BPTF: variants seen among roughly 807,000 people sequenced by gnomAD.
BPTF encodes bromodomain PHD finger transcription factor, also known as nucleosome-remodeling factor subunit BPTF.
BPTF carries 18 observed loss-of-function variants against 292.5 expected under a neutral mutation model. That is an observed-to-expected ratio of 0.06 (90% CI 0.04 to 0.09). The LOEUF (loss-of-function observed/expected upper bound fraction) is 0.09, where lower values mean the gene tolerates loss of function less well. BPTF is among the 10% of genes least tolerant of loss of function. The probability of loss-of-function intolerance (pLI) is 1.00; values close to 1 mark genes in which losing one functional copy is unlikely to be tolerated. For synonymous variants in BPTF, 1,225 were observed against 1,251.9 expected (o/e 0.98, Z 0.45); for missense variants, 2,726 against 3,498.7 (o/e 0.78, Z 5.57).
At chr17:67,877,679 C>A (rs1055333041) in intron 4 of BPTF, among the ~76,000 whole-genome samples, 1 of 152,030 alleles carries the variant, frequency 6.6e-6, no homozygotes, top group Admixed American at 6.5e-5. Flanking sequence ...AGTACAGTGA[C>A]GTGATCATGG....
chr17:67,950,073 C>A (rs113772550), intron 23 of BPTF, among the ~76,000 whole-genome samples: 1,394 of 73,284 alleles, frequency 0.019, 6 homozygotes, highest in Middle Eastern at 0.048. Context: ...AAAAAAAAAA[C>A]ATTTCATAAC....
At chr17:67,922,687 T>C (rs1484522084) in intron 13 of BPTF, among the ~76,000 whole-genome samples, 153 bp from the exon 14 acceptor site, 1 of 152,212 alleles carries the variant, frequency 6.6e-6, no homozygotes, top group Non-Finnish European at 1.5e-5. Context: ...CTTTGGCTGC[T>C]TTCATGATAC....
intron 7 of BPTF, 29 bp from the exon 8 acceptor site, chr17:67,903,760 A>G: frequency 6.6e-7 from 1 of 1,505,940 alleles, no homozygotes; most frequent in Non-Finnish European, 8.8e-7. Flanking sequence ...TTCCAAGTTA[A>G]CATTGTCTTT....
chr17:67,945,834 C>G lies in BPTF; in HGVS notation c.7126C>G (p.Pro2376Ala), dbSNP rs145519434. ...TCAGACTACAACCTCACAACCGATTCCAATTCAACCACATACATCTCTTCA... is the reference window on the plus strand; with the variant it reads ...TCAGACTACAACCTCACAACCGATTGCAATTCAACCACATACATCTCTTCA... ...QVQTTTSQPIPIQPHTSLQIP... is the reference protein window; with the variant it reads ...QVQTTTSQPIAIQPHTSLQIP... The change falls in exon 21 of 28, where the codon CCA becomes GCA. Residue 2376 changes from proline to alanine, a missense_variant. Physicochemically the swap from Pro to Ala is conservative, Grantham distance 27. This residue lies in a region of BPTF where 570 missense variants were observed against 633.5 expected (regional missense o/e 0.90). Transcript: ENST00000306378. 6.2e-7 allele frequency: 1 copy of G among 1,614,172 alleles called. No individual in the cohort carries two copies.
rs559516420 is a variant in BPTF, at chr17:67,880,101, TAAC to T, written c.1864+5083_1864+5085del. Among the ~76,000 whole-genome samples the T allele has an allele frequency of 1.4e-3, 215 of 152,352 alleles. 1 individual carries two copies. The highest frequency in any genetic ancestry group is 4.9e-3 in the African/African-American group (205 of 41,582). Reference sequence around the variant, plus strand: ...AAATTTTTACAATTTATTAGCATAATAACATCGTATCTTTTTTATATATATAGG... The same window carrying T: ...AAATTTTTACAATTTATTAGCATAATATCGTATCTTTTTTATATATATAGG... On this transcript the variant is annotated intron_variant, in intron 4 of 27. Transcript: ENST00000306378.
At chr17:67,938,662 A>G (rs2065120680) in intron 18 of BPTF, among the ~76,000 whole-genome samples, 2 of 152,224 alleles carry the variant, frequency 1.3e-5, no homozygotes, top group Admixed American at 1.3e-4. Context: ...ATATACCAGG[A>G]CTAAGAACAT....
intron 25 of BPTF, chr17:67,965,718 C>G (rs1555686908): frequency 6.6e-6 from 1 of 151,390 alleles, no homozygotes; most frequent in South Asian, 2.1e-4. Flanking sequence ...AAAAGAATAA[C>G]AGGATAGGGA....
chr17:67,926,316 C>CTTTTT (rs869295387), intron 15 of BPTF, among the ~76,000 whole-genome samples: 1 of 83,856 alleles, frequency 1.2e-5, no homozygotes, highest in Non-Finnish European at 2.3e-5. Context: ...TAATATACTA[C>CTTTTT]TTTTTTTTTT....
At chr17:67,873,553 T>G (rs1177158564) in intron 3 of BPTF, among the ~76,000 whole-genome samples, 3 of 152,286 alleles carry the variant, frequency 2.0e-5, no homozygotes, top group African/African-American at 7.2e-5. Flanking sequence ...GGAAACAGTT[T>G]AGCAATTCCG....
intron 4 of BPTF, among the ~76,000 whole-genome samples, chr17:67,884,138 C>CTTTTTTTTTTT (rs200471908): frequency 1.5e-5 from 2 of 134,442 alleles, no homozygotes; most frequent in Non-Finnish European, 3.3e-5. Context: ...CATTTTCTTT[C>CTTTTTTTTTTT]TTTTTTTTTT....
At chr17:67,981,904 C>CACACACACACACACACA (rs1568245392) in intron 27 of BPTF, 7 of 181,754 alleles carry the variant, frequency 3.9e-5, no homozygotes, top group East Asian at 1.9e-4. Context: ...CACACACACA[C>CACACACACACACACACA]CTTTCACCAC....
intron 1 of BPTF, among the ~76,000 whole-genome samples, chr17:67,830,738 A>G (rs993688354): frequency 3.9e-5 from 6 of 152,178 alleles, no homozygotes; most frequent in Non-Finnish European, 7.4e-5. Context: ...TGAATAGGAA[A>G]TAAACCAAAG....
At chr17:67,863,324 G>A (rs2059196645) in intron 2 of BPTF, among the ~76,000 whole-genome samples, 1 of 151,996 alleles carries the variant, frequency 6.6e-6, no homozygotes, top group African/African-American at 2.4e-5. Context: ...AGTCTCTGTT[G>A]CCCAGGCTGG....
intron 3 of BPTF, among the ~76,000 whole-genome samples, chr17:67,870,833 G>A (rs2059681005): frequency 6.8e-6 from 1 of 146,218 alleles, no homozygotes; most frequent in Non-Finnish European, 1.5e-5. Flanking sequence ...GCAGTGGCGG[G>A]ATCTCGGCTC....
At chr17:67,924,409 A>T in intron 14 of BPTF, 138 bp from the exon 15 acceptor site, 1 of 923,054 alleles carries the variant, frequency 1.1e-6, no homozygotes, top group Non-Finnish European at 1.6e-6. Context: ...GCCACCTCGC[A>T]CAACCAAATG....
intron 23 of BPTF, among the ~76,000 whole-genome samples, chr17:67,958,019 T>C (rs1220575303): frequency 1.3e-5 from 2 of 152,164 alleles, no homozygotes; most frequent in Non-Finnish European, 2.9e-5. Context: ...TTAAAAAGTA[T>C]GGCAAATGCA....
intron 4 of BPTF, among the ~76,000 whole-genome samples, chr17:67,880,225 A>G (rs552432929): frequency 1.3e-5 from 2 of 152,094 alleles, no homozygotes; most frequent in South Asian, 4.1e-4. Flanking sequence ...GTCTTTTTTT[A>G]AAAAAACACA....
chr17:67,967,306 T>C (rs1442124996), intron 26 of BPTF, among the ~76,000 whole-genome samples: 2 of 150,384 alleles, frequency 1.3e-5, no homozygotes, highest in Non-Finnish European at 3.0e-5. Flanking sequence ...CATACCCAGC[T>C]AATTTTTATA....
At chr17:67,848,443 T>A (rs1206408604) in intron 1 of BPTF, among the ~76,000 whole-genome samples, 1 of 152,160 alleles carries the variant, frequency 6.6e-6, no homozygotes, top group Non-Finnish European at 1.5e-5. Flanking sequence ...TGGAGGACCG[T>A]ACAAAGTGTC....
Sources: allele counts gnomAD v4.1 joint callset (sites outside exome capture counted in the v4.1 genomes callset), GRCh38; gene constraint gnomAD v4.1.1; regional missense constraint gnomAD v4.1.1; transcripts MANE v1.5; gene names NCBI Gene and HGNC (gene_info 2026-07-23, HGNC 2026-07-21).